TRIM9: variants seen among roughly 807,000 people sequenced by gnomAD.
TRIM9 encodes E3 ubiquitin-protein ligase TRIM9.
In TRIM9, 26 loss-of-function variants were observed where a neutral mutation model predicts 78.3. The observed-to-expected ratio is 0.33, with a 90% confidence interval of 0.24 to 0.46. TRIM9 has a LOEUF of 0.46. Among genes scored for constraint, TRIM9 ranks in the 20% least tolerant of loss-of-function variants. TRIM9 has a pLI of 1.00. For missense variants in TRIM9, 787 were observed against 1,036.4 expected (o/e 0.76, Z 3.30); for synonymous variants, 398 against 416.5 (o/e 0.96, Z 0.54).
intron 1 of TRIM9, among the ~76,000 whole-genome samples, chr14:51,063,504 A>T (rs542052764): frequency 6.6e-6 from 1 of 152,178 alleles, no homozygotes; most frequent in South Asian, 2.1e-4. Flanking sequence ...CTCCAAGCAG[A>T]ATAAAATTTT....
At chr14:51,093,490 G>A (rs969806757) in intron 1 of TRIM9, among the ~76,000 whole-genome samples, 1 of 152,232 alleles carries the variant, frequency 6.6e-6, no homozygotes, top group Non-Finnish European at 1.5e-5. Flanking sequence ...CGTTGCCATG[G>A]CGACCGCTGG....
At chr14:51,070,118 GC>G (rs1489575128) in intron 1 of TRIM9, among the ~76,000 whole-genome samples, 4 of 152,148 alleles carry the variant, frequency 2.6e-5, no homozygotes, top group African/African-American at 9.7e-5. Flanking sequence ...TTTTGGTGGT[GC>G]ATTTGCTGTT....
At chr14:51,083,562 T>C (rs1369451782) in intron 1 of TRIM9, among the ~76,000 whole-genome samples, 1 of 152,182 alleles carries the variant, frequency 6.6e-6, no homozygotes, top group African/African-American at 2.4e-5. Flanking sequence ...AGTTTTAAAA[T>C]ACTTTGCAGC....
At chr14:51,089,566 T>C (rs997678919) in intron 1 of TRIM9, among the ~76,000 whole-genome samples, 1 of 152,226 alleles carries the variant, frequency 6.6e-6, no homozygotes, top group African/African-American at 2.4e-5. Context: ...TACTTCAAAC[T>C]GGTAACAATA....
intron 1 of TRIM9, among the ~76,000 whole-genome samples, chr14:51,049,912 A>G (rs2060260400): frequency 6.6e-6 from 1 of 152,110 alleles, no homozygotes; most frequent in Admixed American, 6.6e-5. Flanking sequence ...GTATGTGTAA[A>G]AGGTGACAAA....
chr14:51,006,260 C>T (rs2055782874), intron 5 of TRIM9, among the ~76,000 whole-genome samples: 1 of 152,174 alleles, frequency 6.6e-6, no homozygotes, highest in African/African-American at 2.4e-5. Context: ...GGACGGATTA[C>T]TTTAATACCA....
intron 1 of TRIM9, among the ~76,000 whole-genome samples, chr14:51,052,925 G>A (rs963535180): frequency 1.3e-5 from 2 of 152,110 alleles, no homozygotes; most frequent in African/African-American, 2.4e-5. Flanking sequence ...GGGAGGCTGC[G>A]GTGGGCAGAT....
Position 51,077,098 on chromosome 14 carries a change from G to T in TRIM9, c.822+17020C>A, listed in dbSNP as rs114358723. On this transcript the variant is annotated intron_variant, in intron 1 of 12. Transcript: ENST00000684578. The stretch of plus-strand genomic sequence containing the variant: ...TATTTCCTGTTTCTCCTAGTTTATT[G>T]TCCATTAACTTGAATTTCTGTTGTG... Among the ~76,000 whole-genome samples the T allele has an allele frequency of 4.2e-3, 636 of 152,232 alleles. 6 individuals are homozygous for T. The highest frequency in any genetic ancestry group is 0.014 in the African/African-American group (596 of 41,540).
At chr14:50,987,017 A>T (rs747194277) in intron 7 of TRIM9, among the ~76,000 whole-genome samples, 7 of 152,226 alleles carry the variant, frequency 4.6e-5, no homozygotes, top group Non-Finnish European at 8.8e-5. Flanking sequence ...TTGTCAAACA[A>T]TAGCTGGTTC....
chr14:50,985,819 A>G (rs768419707), intron 8 of TRIM9, 137 bp downstream of exon 8: 41 of 753,174 alleles, frequency 5.4e-5, no homozygotes, highest in Non-Finnish European at 7.1e-5. Flanking sequence ...GATGCTCCTC[A>G]TACGGAAAGC....
chr14:51,029,678 C>T (rs1441811012), intron 1 of TRIM9, among the ~76,000 whole-genome samples: 2 of 149,548 alleles, frequency 1.3e-5, no homozygotes, highest in East Asian at 1.9e-4. Context: ...AATTGTAATA[C>T]ATTGGTCATT....
intron 3 of TRIM9, among the ~76,000 whole-genome samples, chr14:51,012,110 A>G (rs12893822): frequency 0.098 from 14,959 of 152,228 alleles, 1,357 homozygotes; most frequent in African/African-American, 0.24. Flanking sequence ...ACCATTTTCA[A>G]GTGTGTAATT....
chr14:51,073,193 A>G (rs943080054), intron 1 of TRIM9, among the ~76,000 whole-genome samples: 6 of 152,224 alleles, frequency 3.9e-5, no homozygotes, highest in Admixed American at 3.9e-4. Flanking sequence ...AATGAGGAGT[A>G]CTACTGGGAG....
At position 51,044,392 on chromosome 14, in the gene TRIM9, T is replaced by C. The variant is rs78210005; in HGVS notation, c.823-19032A>G. Reference sequence around the variant, plus strand: ...AATGTACCTGGCTAAAAATAATTTCTGAACCTCCTCTGCAGCTAGGATTAG... The same window carrying C: ...AATGTACCTGGCTAAAAATAATTTCCGAACCTCCTCTGCAGCTAGGATTAG... On this transcript the variant is annotated intron_variant, in intron 1 of 12. Transcript: ENST00000684578. Among the ~76,000 whole-genome samples, 67 of 152,322 alleles carry C rather than the reference T, an allele frequency of 4.4e-4. 1 individual carries two copies. The East Asian group carries it at 0.012, about 28-fold the overall frequency.
chr14:51,052,981 A>T (rs894831345), intron 1 of TRIM9, among the ~76,000 whole-genome samples: 2 of 151,996 alleles, frequency 1.3e-5, no homozygotes, highest in African/African-American at 4.8e-5. Flanking sequence ...ACATGGTGAA[A>T]CCCTACCTCT....
At chr14:51,040,377 C>A (rs2059487452) in intron 1 of TRIM9, among the ~76,000 whole-genome samples, 1 of 152,116 alleles carries the variant, frequency 6.6e-6, no homozygotes, top group Non-Finnish European at 1.5e-5. Flanking sequence ...ATGTTGTCAC[C>A]TTTTCTTCTG....
chr14:51,032,102 A>C (rs762080810), intron 1 of TRIM9, among the ~76,000 whole-genome samples: 14 of 152,252 alleles, frequency 9.2e-5, no homozygotes, highest in Non-Finnish European at 1.3e-4. Flanking sequence ...CTTTTTAAAT[A>C]ATAATTTAAG....
At chr14:50,987,342 TG>T (rs570117982) in intron 7 of TRIM9, among the ~76,000 whole-genome samples, 2 of 152,214 alleles carry the variant, frequency 1.3e-5, no homozygotes, top group Admixed American at 6.5e-5. Context: ...TCATCCTATG[TG>T]AAGAGCTCTG....
intron 5 of TRIM9, among the ~76,000 whole-genome samples, chr14:51,003,056 GAGA>G (rs940781692): frequency 3.3e-5 from 5 of 152,204 alleles, no homozygotes; most frequent in African/African-American, 9.6e-5. Context: ...TGGTTGGAAA[GAGA>G]AGGACACAGA....
Sources: allele counts gnomAD v4.1 joint callset (sites outside exome capture counted in the v4.1 genomes callset), GRCh38; gene constraint gnomAD v4.1.1; transcripts MANE v1.5; gene names NCBI Gene and HGNC (gene_info 2026-07-23, HGNC 2026-07-21).